The following PRTFDC1 variants were observed in gnomAD, a reference collection of about 807,000 sequenced individuals.
The protein encoded by PRTFDC1 is phosphoribosyltransferase domain-containing protein 1.
Under a neutral mutation model 34.6 loss-of-function variants are expected in PRTFDC1, and 38 were observed. The ratio of observed to expected loss-of-function variants is 1.10; its 90% confidence interval spans 0.85 to 1.44. The LOEUF is 1.44. Ranked by LOEUF, PRTFDC1 falls within the 40% of genes most tolerant of loss-of-function variation. PRTFDC1 has a pLI of 0.00. For missense variants in PRTFDC1, 270 were observed against 283.0 expected (o/e 0.95, Z 0.33); for synonymous variants, 93 against 98.1 (o/e 0.95, Z 0.31).
intron 3 of PRTFDC1, among the ~76,000 whole-genome samples, chr10:24,872,757 C>CGT (rs1233940138): frequency 4.6e-5 from 6 of 131,806 alleles, no homozygotes; most frequent in South Asian, 2.4e-4. Context: ...TATGTGCACA[C>CGT]GTGTGTGTGT....
chr10:24,905,996 T>C (rs1014427699), intron 3 of PRTFDC1, among the ~76,000 whole-genome samples: 1 of 152,154 alleles, frequency 6.6e-6, no homozygotes, highest in Non-Finnish European at 1.5e-5. Flanking sequence ...AGTGAGAACA[T>C]GCAAAGTTTG....
intron 4 of PRTFDC1, among the ~76,000 whole-genome samples, chr10:24,865,615 G>C (rs1847760905): frequency 1.3e-5 from 2 of 151,964 alleles, no homozygotes; most frequent in African/African-American, 4.8e-5. Flanking sequence ...AATCACAAGG[G>C]GTTTCCTAAC....
intron 6 of PRTFDC1, among the ~76,000 whole-genome samples, chr10:24,856,514 G>C (rs1193616594): frequency 6.6e-6 from 1 of 152,174 alleles, no homozygotes; most frequent in Non-Finnish European, 1.5e-5. Context: ...TTTGAACCCA[G>C]GGGGTGGAGG....
chr10:24,872,147 T>C (rs1212971811), intron 3 of PRTFDC1, 84 bp from the exon 4 acceptor site: 1 of 1,186,168 alleles, frequency 8.4e-7, no homozygotes, highest in Non-Finnish European at 1.2e-6. Context: ...ACCCAGTTAG[T>C]GGCCGGAATG....
Position 24,851,467 on chromosome 10 carries a change from T to G in PRTFDC1, c.554-3A>C. The G allele has an allele frequency of 6.2e-7, 1 of 1,605,210 alleles. No homozygotes were observed. Among genetic ancestry groups the G allele is most frequent in the Non-Finnish European group, 8.5e-7 (1 of 1,178,434 alleles). On this transcript the variant is annotated splice_region_variant and splice_polypyrimidine_tract_variant and intron_variant, in intron 7 of 8. Transcript: ENST00000320152. ...GTTTGGAATCTCAAATCCAGCATCTTAGCAGACAGAGAAAGAGAAAAAAAA... is the reference window on the plus strand; with the variant it reads ...GTTTGGAATCTCAAATCCAGCATCTGAGCAGACAGAGAAAGAGAAAAAAAA...
At chr10:24,913,636 T>C (rs1031716131) in intron 3 of PRTFDC1, among the ~76,000 whole-genome samples, 20 of 152,226 alleles carry the variant, frequency 1.3e-4, no homozygotes, top group African/African-American at 4.8e-4. Context: ...TTCAAGTTAA[T>C]CTCAGTGATT....
rs1848944510 is a variant in PRTFDC1, at chr10:24,929,867, T to C, written c.339+7317A>G. ...TCCACTCAAAGTCCCTTAGAATAGA[T>C]ATCCCAAAAGGCCTCCCACTTCCAC... On this transcript the variant is annotated intron_variant, in intron 3 of 8. Coordinates refer to ENST00000320152, the MANE Select transcript of PRTFDC1 (RefSeq NM_020200.7). 2.0e-5 allele frequency among the ~76,000 whole-genome samples: 3 copies of C among 152,252 alleles called. No homozygotes were observed. The South Asian group carries it at 6.2e-4, about 32-fold the overall frequency.
At chr10:24,944,367 C>T (rs1293457947) in intron 1 of PRTFDC1, among the ~76,000 whole-genome samples, 3 of 152,288 alleles carry the variant, frequency 2.0e-5, no homozygotes, top group African/African-American at 7.2e-5. Context: ...TGCTATTCCC[C>T]CACCCCCAGG....
At chr10:24,893,846 T>C (rs1486610413) in intron 3 of PRTFDC1, among the ~76,000 whole-genome samples, 1 of 152,146 alleles carries the variant, frequency 6.6e-6, no homozygotes, top group African/African-American at 2.4e-5. Flanking sequence ...AGCATTATGT[T>C]GAACTTCAGG....
chr10:24,944,916 C>G (rs1272098365), intron 1 of PRTFDC1, among the ~76,000 whole-genome samples: 3 of 152,182 alleles, frequency 2.0e-5, no homozygotes, highest in African/African-American at 7.2e-5. Context: ...ATTACCTTGT[C>G]TGACTCATTC....
intron 3 of PRTFDC1, among the ~76,000 whole-genome samples, chr10:24,893,469 T>C (rs1287232851): frequency 6.6e-6 from 1 of 152,016 alleles, no homozygotes; most frequent in African/African-American, 2.4e-5. Context: ...TTTTTTGTTT[T>C]GTTTTGTTTG....
At chr10:24,923,291 G>A (rs1406279664) in intron 3 of PRTFDC1, among the ~76,000 whole-genome samples, 1 of 152,194 alleles carries the variant, frequency 6.6e-6, no homozygotes, top group Non-Finnish European at 1.5e-5. Flanking sequence ...TCTGAAGAGA[G>A]CAGTGGTTCT....
Position 24,906,427 on chromosome 10 carries a change from A to AATCTCT in PRTFDC1, c.339+30756_339+30757insAGAGAT, listed in dbSNP as rs538143516. Among the ~76,000 whole-genome samples, 117 of 152,312 alleles carry AATCTCT rather than the reference A, an allele frequency of 7.7e-4. 4 individuals are homozygous for AATCTCT. In the South Asian group the frequency reaches 0.023, roughly 30 times the overall value. On this transcript the variant is annotated intron_variant, in intron 3 of 8. Transcript: ENST00000320152. ...ATATGGAATATGAAGAAATAGTAAG[A>AATCTCT]ATTACAAAAACATGGTGTCATTTGA...
chr10:24,895,707 A>ATG (rs1555048856), intron 3 of PRTFDC1, among the ~76,000 whole-genome samples: 2 of 136,584 alleles, frequency 1.5e-5, no homozygotes, highest in African/African-American at 5.5e-5. Context: ...ATATATATAT[A>ATG]TATATATATA....
chr10:24,864,345 G>GCTAT (rs1847738205), intron 4 of PRTFDC1, among the ~76,000 whole-genome samples: 1 of 152,302 alleles, frequency 6.6e-6, no homozygotes, highest in Middle Eastern at 3.4e-3. Context: ...TGGGTAAAAT[G>GCTAT]CTATCAAACA....
At chr10:24,858,661 G>C (rs556236144) in intron 4 of PRTFDC1, among the ~76,000 whole-genome samples, 10 of 152,192 alleles carry the variant, frequency 6.6e-5, no homozygotes, top group African/African-American at 2.2e-4. Flanking sequence ...CCTGTCTGAC[G>C]AGCTCTCCAT....
intron 3 of PRTFDC1, among the ~76,000 whole-genome samples, chr10:24,895,248 A>ATTTTTTTT (rs1361415295): frequency 1.4e-5 from 1 of 72,178 alleles, no homozygotes; most frequent in Non-Finnish European, 2.7e-5. Context: ...GGAAATCTCC[A>ATTTTTTTT]CTTTCTTTTT....
At chr10:24,882,684 T>A (rs1182660270) in intron 3 of PRTFDC1, among the ~76,000 whole-genome samples, 1 of 152,040 alleles carries the variant, frequency 6.6e-6, no homozygotes, top group Non-Finnish European at 1.5e-5. Flanking sequence ...TTTATTTATT[T>A]TTTTAGAGAT....
intron 3 of PRTFDC1, among the ~76,000 whole-genome samples, chr10:24,886,041 T>A (rs969867131): frequency 6.6e-6 from 1 of 152,188 alleles, no homozygotes. Flanking sequence ...TGAAACTATC[T>A]TGTATGATAC....
Sources: allele counts gnomAD v4.1 joint callset (sites outside exome capture counted in the v4.1 genomes callset), GRCh38; gene constraint gnomAD v4.1.1; transcripts MANE v1.5; gene names NCBI Gene and HGNC (gene_info 2026-07-23, HGNC 2026-07-21).